The following RAB39A variants were observed in gnomAD, a reference collection of about 807,000 sequenced individuals.
RAB39A encodes ras-related protein Rab-39A.
RAB39A carries 17 observed loss-of-function variants against 20.9 expected under a neutral mutation model. The ratio of observed to expected loss-of-function variants is 0.81; its 90% CI spans 0.56 to 1.22. RAB39A has a LOEUF of 1.22. RAB39A is among the 50% of genes most tolerant of loss of function. The pLI, the probability that RAB39A is intolerant of heterozygous loss-of-function variation, is 0.00. For missense variants in RAB39A, 234 were observed against 270.5 expected (o/e 0.87, Z 0.95); for synonymous variants, 99 against 103.4 (o/e 0.96, Z 0.26).
intron 1 of RAB39A, among the ~76,000 whole-genome samples, chr11:107,953,098 C>A (rs1861397848): frequency 6.6e-6 from 1 of 152,120 alleles, no homozygotes; most frequent in Admixed American, 6.6e-5. Flanking sequence ...CTACTGTACA[C>A]CTTGGCACTT....
At chr11:107,946,125 T>C (rs967973579) in intron 1 of RAB39A, among the ~76,000 whole-genome samples, 14 of 151,240 alleles carry the variant, frequency 9.3e-5, no homozygotes, top group African/African-American at 1.9e-4. Flanking sequence ...TCAAGAAATA[T>C]TAGGAAATTT....
chr11:107,935,852 T>C (rs144558332), intron 1 of RAB39A, among the ~76,000 whole-genome samples: 1 of 61,360 alleles, frequency 1.6e-5, no homozygotes, highest in East Asian at 4.7e-4. Context: ...ATCTAGAGGC[T>C]AGGAATGCCC....
intron 1 of RAB39A, among the ~76,000 whole-genome samples, chr11:107,958,543 T>C (rs1861461569): frequency 6.6e-6 from 1 of 152,210 alleles, no homozygotes; most frequent in Admixed American, 6.5e-5. Flanking sequence ...AAACACTACC[T>C]GCAGGACAAC....
At chr11:107,957,559 C>T (rs574134087) in intron 1 of RAB39A, among the ~76,000 whole-genome samples, 3 of 152,192 alleles carry the variant, frequency 2.0e-5, no homozygotes, top group Non-Finnish European at 4.4e-5. Context: ...TATGAAAGAA[C>T]CAGCAGCTTT....
intron 1 of RAB39A, among the ~76,000 whole-genome samples, chr11:107,933,310 T>C (rs1307975670): frequency 1.6e-5 from 1 of 62,640 alleles, no homozygotes; most frequent in Non-Finnish European, 3.1e-5. Context: ...TTTATATATA[T>C]ATATGTGTGT....
At chr11:107,941,887 T>G (rs1365930641) in intron 1 of RAB39A, among the ~76,000 whole-genome samples, 1 of 151,932 alleles carries the variant, frequency 6.6e-6, no homozygotes, top group Non-Finnish European at 1.5e-5. Context: ...TCACTTGTGG[T>G]CAGGAGTTGG....
In RAB39A at chr11:107,947,473, T is replaced by C. The variant is rs7931198; in HGVS notation, c.228-14473T>C. Among the ~76,000 whole-genome samples, 692 of 152,218 alleles carry C rather than the reference T, an allele frequency of 4.5e-3. 4 individuals are homozygous for C. The highest frequency in any genetic ancestry group is 0.016 in the African/African-American group (655 of 41,528). ...AAGTTCAATATGCAAATATTAGGCA[T>C]TCCAGAAAGATAGAAGAGAAAAAAC... is the stretch of plus-strand genomic sequence containing the variant. On this transcript the variant is annotated intron_variant, in intron 1 of 1. Coordinates refer to ENST00000320578, the MANE Select transcript of RAB39A (RefSeq NM_017516.3).
chr11:107,962,001 A>G lies in RAB39A; in HGVS notation c.283A>G (p.Ile95Val). The G allele has an allele frequency of 6.2e-7, 1 of 1,613,964 alleles. No individual in the cohort carries two copies. Among genetic ancestry groups the G allele is most frequent in the Non-Finnish European group, 8.5e-7 (1 of 1,179,858 alleles). ...AGTTGGTGGATTTTTAGTATTTGAC[A>G]TTACTAACCGACGATCTTTTGAACA... is the stretch of plus-strand genomic sequence containing the variant. ...NSVGGFLVFDITNRRSFEHVK... is the reference protein window; with the variant it reads ...NSVGGFLVFDVTNRRSFEHVK... The change falls in exon 2 of 2, where the codon ATT (isoleucine) becomes GTT (valine). Residue 95 changes from isoleucine to valine, a missense_variant. Physicochemically the swap from Ile to Val is conservative, Grantham distance 29 (BLOSUM62 3). Coordinates refer to ENST00000320578, the MANE Select transcript of RAB39A (RefSeq NM_017516.3).
intron 1 of RAB39A, among the ~76,000 whole-genome samples, chr11:107,936,786 C>T (rs1861197774): frequency 6.6e-6 from 1 of 152,044 alleles, no homozygotes; most frequent in Non-Finnish European, 1.5e-5. Context: ...ATTAGCTGTG[C>T]ATGGTGGTGC....
chr11:107,948,682 C>T (rs1861343851), intron 1 of RAB39A, among the ~76,000 whole-genome samples: 1 of 152,062 alleles, frequency 6.6e-6, no homozygotes, highest in East Asian at 1.9e-4. Context: ...CCTCGTGATC[C>T]GCCTTCCTCA....
chr11:107,937,363 C>G (rs757075862), intron 1 of RAB39A, among the ~76,000 whole-genome samples: 6 of 151,768 alleles, frequency 4.0e-5, no homozygotes, highest in Non-Finnish European at 8.8e-5. Flanking sequence ...TGGTTTTGAA[C>G]TTCTTGCTTC....
chr11:107,930,022 A>C (rs1193590252), intron 1 of RAB39A, among the ~76,000 whole-genome samples: 2 of 152,294 alleles, frequency 1.3e-5, no homozygotes, highest in South Asian at 4.1e-4. Context: ...ATCAGCCTAC[A>C]TCTGTGAGAA....
chr11:107,931,371 A>G (rs1340756498), intron 1 of RAB39A, among the ~76,000 whole-genome samples: 3 of 152,240 alleles, frequency 2.0e-5, no homozygotes, highest in African/African-American at 7.2e-5. Context: ...CTCGCATTAT[A>G]ATGCAAGGAC....
chr11:107,948,856 A>G (rs760820162), intron 1 of RAB39A, among the ~76,000 whole-genome samples: 1 of 152,176 alleles, frequency 6.6e-6, no homozygotes, highest in Non-Finnish European at 1.5e-5. Flanking sequence ...CTTAGCACTT[A>G]GGTTACTCTG....
intron 1 of RAB39A, among the ~76,000 whole-genome samples, chr11:107,950,127 C>T (rs2134967254): frequency 6.6e-6 from 1 of 151,866 alleles, no homozygotes; most frequent in South Asian, 2.1e-4. Context: ...TTGCAGTGAG[C>T]CGAGATCGTG....
At chr11:107,929,050 C>T (rs764892392) in intron 1 of RAB39A, among the ~76,000 whole-genome samples, 29 of 152,172 alleles carry the variant, frequency 1.9e-4, no homozygotes, top group Non-Finnish European at 3.7e-4. Context: ...CCGCCTGAAC[C>T]GGGGTCGTCC....
intron 1 of RAB39A, among the ~76,000 whole-genome samples, chr11:107,942,496 TTTTG>T (rs898471365): frequency 2.6e-5 from 4 of 152,064 alleles, no homozygotes; most frequent in African/African-American, 7.2e-5. Flanking sequence ...CTGGGCTAAT[TTTTG>T]TTTGTTTGTT....
intron 1 of RAB39A, among the ~76,000 whole-genome samples, chr11:107,929,604 A>T (rs1861116678): frequency 6.6e-6 from 1 of 152,180 alleles, no homozygotes; most frequent in Non-Finnish European, 1.5e-5. Flanking sequence ...GCTTATGATC[A>T]GTACTTAACG....
intron 1 of RAB39A, among the ~76,000 whole-genome samples, chr11:107,942,737 G>T (rs79515057): frequency 0.024 from 3,624 of 152,208 alleles, 69 homozygotes; most frequent in African/African-American, 0.056. Flanking sequence ...TGCTCTTCCT[G>T]CTATGCCCAT....
Sources: gnomAD v4.1 joint callset for allele counts (sites outside exome capture counted in the v4.1 genomes callset) on GRCh38, gnomAD v4.1.1 for gene constraint, MANE v1.5 for transcripts, NCBI Gene and HGNC (gene_info 2026-07-23, HGNC 2026-07-21) for gene names.